The following CBFA2T3 variants were observed in gnomAD, a reference collection of about 807,000 sequenced individuals.
CBFA2T3 encodes CBFA2/RUNX1 partner transcriptional co-repressor 3.
In CBFA2T3, 31 loss-of-function variants were observed where a neutral mutation model predicts 58.6. That is an observed-to-expected ratio of 0.53 (90% CI 0.40 to 0.71). The LOEUF (loss-of-function observed/expected upper bound fraction) is 0.71, where lower values mean the gene tolerates loss of function less well. Among genes scored for constraint, CBFA2T3 ranks in the 30% least tolerant of loss-of-function variants. CBFA2T3 has a pLI of 0.00. For synonymous variants in CBFA2T3, 531 were observed against 421.9 expected (o/e 1.26, Z -3.17); for missense variants, 1,076 against 963.1 (o/e 1.12, Z -1.55).
chr16:88,884,425 T>A (rs1969271116), intron 7 of CBFA2T3, among the ~76,000 whole-genome samples: 1 of 152,234 alleles, frequency 6.6e-6, no homozygotes, highest in Admixed American at 6.5e-5. Flanking sequence ...CAGGCTGGGC[T>A]GTGAGACTGT....
At chr16:88,896,544 T>A (rs971010247) in intron 3 of CBFA2T3, among the ~76,000 whole-genome samples, 2 of 151,436 alleles carry the variant, frequency 1.3e-5, no homozygotes, top group African/African-American at 4.9e-5. Flanking sequence ...CGCTGCCGAG[T>A]TTCCCTCTCA....
chr16:88,932,411 G>A lies in CBFA2T3; in HGVS notation c.152-30755C>T, dbSNP rs748847330. ...GCACTTTGGGAGGCTGAGGTGGGAG[G>A]ATCGTTTGAGCCCAGGAGCTTGAGA... On this transcript the variant is annotated intron_variant, in intron 1 of 11. Transcript: ENST00000268679. 2.9e-3 allele frequency among the ~76,000 whole-genome samples: 434 copies of A among 152,066 alleles called. 3 individuals carry two copies. Among genetic ancestry groups the A allele is most frequent in the Non-Finnish European group, 4.8e-3 (324 of 67,994 alleles).
intron 1 of CBFA2T3, among the ~76,000 whole-genome samples, chr16:88,935,035 T>C (rs11865974): frequency 0.29 from 44,400 of 152,070 alleles, 7,452 homozygotes; most frequent in Middle Eastern, 0.52. Flanking sequence ...CCACCGTGCC[T>C]GGCCAGAAGG....
intron 1 of CBFA2T3, among the ~76,000 whole-genome samples, chr16:88,934,803 G>C (rs905660178): frequency 6.6e-6 from 1 of 152,122 alleles, no homozygotes; most frequent in African/African-American, 2.4e-5. Context: ...GCAGTGGCGC[G>C]ATCTCGGCTC....
At chr16:88,936,382 T>C (rs1157661253) in intron 1 of CBFA2T3, among the ~76,000 whole-genome samples, 1 of 151,910 alleles carries the variant, frequency 6.6e-6, no homozygotes, top group East Asian at 1.9e-4. Flanking sequence ...ACGTCCACCA[T>C]GACCCCAGCC....
chr16:88,886,691 A>T (rs1969390293), intron 5 of CBFA2T3: 1 of 152,442 alleles, frequency 6.6e-6, no homozygotes. Flanking sequence ...GGAAGCCCTG[A>T]GGTTCAGCTT....
At chr16:88,942,785 G>C (rs541413634) in intron 1 of CBFA2T3, among the ~76,000 whole-genome samples, 1 of 152,306 alleles carries the variant, frequency 6.6e-6, no homozygotes, top group African/African-American at 2.4e-5. Context: ...CTGGTTTTCA[G>C]ACTGTGCGTA....
chr16:88,974,758 C>T (rs1023767167), intron 1 of CBFA2T3, among the ~76,000 whole-genome samples: 3 of 152,098 alleles, frequency 2.0e-5, no homozygotes, highest in Non-Finnish European at 4.4e-5. Context: ...GGACCCCCCG[C>T]AGTTCCCATG....
At chr16:88,896,860 C>T (rs912365463) in intron 3 of CBFA2T3, among the ~76,000 whole-genome samples, 3 of 152,184 alleles carry the variant, frequency 2.0e-5, no homozygotes, top group Admixed American at 6.5e-5. Flanking sequence ...GTCCTTCCGG[C>T]GGCCTGCTCG....
chr16:88,902,050 C>A (rs1211920409), intron 1 of CBFA2T3, among the ~76,000 whole-genome samples: 1 of 152,208 alleles, frequency 6.6e-6, no homozygotes, highest in Non-Finnish European at 1.5e-5. Flanking sequence ...TCAGCCTCTT[C>A]CCCCAGTCCT....
chr16:88,946,993 A>G (rs1019474029), intron 1 of CBFA2T3, among the ~76,000 whole-genome samples: 7 of 152,218 alleles, frequency 4.6e-5, no homozygotes, highest in Admixed American at 4.6e-4. Flanking sequence ...CAGTGACACT[A>G]TTCTGTATGA....
At chr16:88,966,287 C>A (rs535888013) in intron 1 of CBFA2T3, among the ~76,000 whole-genome samples, 2 of 152,366 alleles carry the variant, frequency 1.3e-5, no homozygotes, top group African/African-American at 4.8e-5. Flanking sequence ...AGCCAGCTAA[C>A]AGGGCTGCCA....
intron 1 of CBFA2T3, among the ~76,000 whole-genome samples, chr16:88,936,245 C>T (rs1971495082): frequency 6.6e-6 from 1 of 152,200 alleles, no homozygotes; most frequent in African/African-American, 2.4e-5. Context: ...CTGGGCGTCT[C>T]CCAGGTATCT....
At chr16:88,889,073 TG>T (rs1229582528) in intron 5 of CBFA2T3, among the ~76,000 whole-genome samples, 3 of 151,656 alleles carry the variant, frequency 2.0e-5, no homozygotes, top group African/African-American at 4.8e-5. Flanking sequence ...TGGCTGAGGC[TG>T]GGGGCATCTG....
chr16:88,920,405 T>C (rs1040768670), intron 1 of CBFA2T3, among the ~76,000 whole-genome samples: 1 of 151,782 alleles, frequency 6.6e-6, no homozygotes, highest in Non-Finnish European at 1.5e-5. Flanking sequence ...GCCTCCCGAG[T>C]AGCTGAGGTT....
In CBFA2T3 at chr16:88,885,148, G is replaced by T; in HGVS notation, c.1015C>A (p.Pro339Thr). The part of the protein sequence containing the change: ...PSNGPPQPTP[P>T]PHYRLEDIAM... ...ATGTCCTCCAGGCGGTAGTGCGGCG[G>T]CGGTGTGGGCTGCGGTGGCCCGTTG... The change falls in exon 7 of 12, where the codon CCG (proline) becomes ACG (threonine). Residue 339 changes from proline to threonine, a missense_variant. Physicochemically the swap from Pro to Thr is conservative, Grantham distance 38. Coordinates refer to ENST00000268679, the MANE Select transcript of CBFA2T3 (RefSeq NM_005187.6). This position sits in a 1 kb window ranked among gnomAD's most constrained non-coding sequence, Gnocchi z 5.3. 6.2e-7 allele frequency: 1 copy of T among 1,601,326 alleles called. No individual in the cohort carries two copies.
At chr16:88,962,870 G>C (rs1233908281) in intron 1 of CBFA2T3, among the ~76,000 whole-genome samples, 1 of 152,228 alleles carries the variant, frequency 6.6e-6, no homozygotes, top group Non-Finnish European at 1.5e-5. Flanking sequence ...TGAATTCCCA[G>C]GTCCACTCGG....
Position 88,955,804 on chromosome 16 carries a change from C to T in CBFA2T3, c.151+20853G>A, listed in dbSNP as rs552428974. On this transcript the variant is annotated intron_variant, in intron 1 of 11. Coordinates refer to ENST00000268679, the MANE Select transcript of CBFA2T3 (RefSeq NM_005187.6). Reference sequence around the variant, plus strand: ...TGACCTCAGCCAAGGCTCCTGACCCCACCCAAGGCTCCTGACCTCACCCAA... The same window carrying T: ...TGACCTCAGCCAAGGCTCCTGACCCTACCCAAGGCTCCTGACCTCACCCAA... 2.5e-5 allele frequency among the ~76,000 whole-genome samples: 2 copies of T among 80,584 alleles called. 1 individual carries two copies. The highest frequency in any genetic ancestry group is 1.1e-4 in the African/African-American group (2 of 18,470). 52.9% of individuals were successfully genotyped at this position (80,584 alleles called of 152,430 possible).
At chr16:88,882,862 G>C (rs1420745689) in intron 7 of CBFA2T3, 101 bp from the exon 8 acceptor site, 6 of 809,190 alleles carry the variant, frequency 7.4e-6, no homozygotes, top group African/African-American at 6.7e-5. Flanking sequence ...CCCGTGGGCT[G>C]TGCCCGCTGG....
Sources: gnomAD v4.1 joint callset for allele counts (sites outside exome capture counted in the v4.1 genomes callset) on GRCh38, gnomAD v4.1.1 for gene constraint, Gnocchi (gnomAD v3.1) non-coding constraint, MANE v1.5 for transcripts, NCBI Gene and HGNC (gene_info 2026-07-23, HGNC 2026-07-21) for gene names.